RNF216: variants seen among roughly 807,000 people sequenced by gnomAD.
The protein encoded by RNF216 is ring finger protein 216.
A neutral mutation model predicts 110.8 loss-of-function variants in RNF216; 72 were observed. That is an observed-to-expected ratio of 0.65 (90% CI 0.54 to 0.79). RNF216 has a LOEUF of 0.79. Among genes scored for constraint, RNF216 ranks in the 30% least tolerant of loss-of-function variants. RNF216 has a pLI of 0.00. For missense variants in RNF216, 1,342 were observed against 1,141.2 expected (o/e 1.18, Z -2.54); for synonymous variants, 495 against 407.5 (o/e 1.21, Z -2.59).
intron 13 of RNF216, among the ~76,000 whole-genome samples, chr7:5,686,467 G>T (rs1331155441): frequency 6.6e-6 from 1 of 152,154 alleles, no homozygotes; most frequent in African/African-American, 2.4e-5. Context: ...GGTGGCTTAA[G>T]AGTCTGAATG....
chr7:5,686,049 C>G (rs1790960770), intron 13 of RNF216, among the ~76,000 whole-genome samples: 2 of 151,650 alleles, frequency 1.3e-5, no homozygotes, highest in Admixed American at 6.6e-5. Context: ...ATGGTGAAAC[C>G]CTGTCTCTAC....
chr7:5,726,909 G>A (rs2128640865), intron 7 of RNF216, among the ~76,000 whole-genome samples: 1 of 152,176 alleles, frequency 6.6e-6, no homozygotes, highest in Middle Eastern at 3.4e-3. Flanking sequence ...AAACAGGAGG[G>A]AGAAGGGGTA....
chr7:5,766,431 G>A (rs575855460), intron 1 of RNF216, among the ~76,000 whole-genome samples: 3 of 151,808 alleles, frequency 2.0e-5, no homozygotes, highest in Non-Finnish European at 2.9e-5. Context: ...TGGAGTCTGT[G>A]GGAGGTGATT....
intron 13 of RNF216, among the ~76,000 whole-genome samples, chr7:5,655,802 G>C (rs1788704118): frequency 6.6e-6 from 1 of 152,180 alleles, no homozygotes; most frequent in Non-Finnish European, 1.5e-5. Flanking sequence ...CTCAGGCACA[G>C]CTAGGCTTTG....
intron 7 of RNF216, among the ~76,000 whole-genome samples, chr7:5,727,984 T>C: frequency 6.6e-6 from 1 of 152,050 alleles, no homozygotes; most frequent in Non-Finnish European, 1.5e-5. Context: ...TTTCCAAACT[T>C]TCTAGTCCAT....
intron 13 of RNF216, among the ~76,000 whole-genome samples, chr7:5,671,060 C>A (rs1041666427): frequency 6.6e-6 from 1 of 152,178 alleles, no homozygotes; most frequent in Non-Finnish European, 1.5e-5. Context: ...ATACTTTTTT[C>A]TTTACAGAAA....
At chr7:5,629,558 G>A (rs1037593233) in intron 15 of RNF216, among the ~76,000 whole-genome samples, 1 of 151,218 alleles carries the variant, frequency 6.6e-6, no homozygotes, top group African/African-American at 2.4e-5. Flanking sequence ...GCCAGAAGCG[G>A]CGTCTTGCGC....
intron 15 of RNF216, among the ~76,000 whole-genome samples, chr7:5,629,083 C>A (rs946445229): frequency 1.7e-4 from 26 of 151,548 alleles, no homozygotes; most frequent in Admixed American, 1.2e-3. Context: ...CCTGTAATCC[C>A]AGCTACTCTG....
intron 5 of RNF216, among the ~76,000 whole-genome samples, chr7:5,731,199 C>T (rs1177021066): frequency 6.6e-6 from 1 of 152,192 alleles, no homozygotes; most frequent in African/African-American, 2.4e-5. Context: ...AAGTGGAAAA[C>T]TGTGTGTTCA....
chr7:5,636,119 A>G (rs1178681282), intron 15 of RNF216, among the ~76,000 whole-genome samples: 1 of 152,184 alleles, frequency 6.6e-6, no homozygotes, highest in Non-Finnish European at 1.5e-5. Context: ...TCCCCACCTC[A>G]GCTACCACTC....
rs749511975 is a variant in RNF216, at chr7:5,624,206, G to A, written c.2383-81C>T. 8.4e-6 allele frequency: 10 copies of A among 1,187,668 alleles called. No individual in the cohort carries two copies. Among genetic ancestry groups the A allele is most frequent in the African/African-American group, 3.0e-5 (2 of 67,078 alleles). 73.6% of individuals were successfully genotyped at this position (1,187,668 alleles called of 1,614,324 possible). A position where few individuals can be genotyped will look rare whatever the true frequency, so the allele number is the denominator to read the frequency against. ...CCGTGGGACAGTGAGGAGGCCGCTT[G>A]TTGCTTATGGCCATGGAACAAGCCC... On this transcript the variant is annotated intron_variant, in intron 15 of 16. Transcript: ENST00000389902. The surrounding 1 kb of genome is among the most constrained non-coding windows in gnomAD (Gnocchi z 4.4).
At chr7:5,751,513 G>A (rs559456813) in intron 3 of RNF216, among the ~76,000 whole-genome samples, 3 of 152,226 alleles carry the variant, frequency 2.0e-5, no homozygotes, top group South Asian at 2.1e-4. Flanking sequence ...TGAACAACCA[G>A]TTTCTTAAAC....
chr7:5,670,164 C>T (rs1789810779), intron 13 of RNF216, among the ~76,000 whole-genome samples: 1 of 152,094 alleles, frequency 6.6e-6, no homozygotes, highest in African/African-American at 2.4e-5. Flanking sequence ...AAACTCCTGA[C>T]CTCAAGTGAG....
intron 10 of RNF216, 110 bp from the exon 11 acceptor site, chr7:5,715,300 G>T: frequency 1.8e-6 from 2 of 1,102,008 alleles, no homozygotes; most frequent in Non-Finnish European, 2.6e-6. Flanking sequence ...CTGAGGTAAA[G>T]CAACCCATTT....
intron 2 of RNF216, among the ~76,000 whole-genome samples, chr7:5,757,933 T>C (rs1434836462): frequency 6.6e-6 from 1 of 152,148 alleles, no homozygotes; most frequent in Non-Finnish European, 1.5e-5. Flanking sequence ...GGCAATTGGA[T>C]CACTTGAGCC....
chr7:5,769,648 T>C (rs1051010649), intron 1 of RNF216, among the ~76,000 whole-genome samples: 16 of 151,676 alleles, frequency 1.1e-4, no homozygotes, highest in Non-Finnish European at 2.4e-4. Flanking sequence ...TGCTTGAGCC[T>C]AAGAGGCAGA....
At chr7:5,773,935 G>A (rs1299853933) in intron 1 of RNF216, among the ~76,000 whole-genome samples, 1 of 152,184 alleles carries the variant, frequency 6.6e-6, no homozygotes, top group African/African-American at 2.4e-5. Context: ...AAATCAAAGG[G>A]AGATGTGAGT....
At chr7:5,706,492 A>G (rs1792298587) in intron 13 of RNF216, among the ~76,000 whole-genome samples, 1 of 152,218 alleles carries the variant, frequency 6.6e-6, no homozygotes, top group African/African-American at 2.4e-5. Context: ...CTGTCCTTCT[A>G]TGACTGGCTA....
At chr7:5,649,501 A>T (rs141463665) in intron 14 of RNF216, 100 of 152,034 alleles carry the variant, frequency 6.6e-4, no homozygotes, top group African/African-American at 2.3e-3. Context: ...AGAATAAGAC[A>T]CTGTCTCAAG....
Sources: gnomAD v4.1 joint callset for allele counts (sites outside exome capture counted in the v4.1 genomes callset) on GRCh38, gnomAD v4.1.1 for gene constraint, Gnocchi (gnomAD v3.1) non-coding constraint, MANE v1.5 for transcripts, NCBI Gene and HGNC (gene_info 2026-07-23, HGNC 2026-07-21) for gene names.